Variants in UBE4A observed in about 807,000 individuals in gnomAD.
The protein encoded by UBE4A is ubiquitination factor E4A.
UBE4A carries 48 observed loss-of-function variants against 117.9 expected under a neutral mutation model. That is an observed-to-expected ratio of 0.41 (90% CI 0.32 to 0.52). The LOEUF (loss-of-function observed/expected upper bound fraction) is 0.52, where lower values mean the gene tolerates loss of function less well. Ranked by LOEUF, UBE4A falls within the 20% of genes least tolerant of loss-of-function variation. The pLI is 0.33. For missense variants in UBE4A, 1,067 were observed against 1,296.3 expected, an observed-to-expected ratio of 0.82 and a Z score of 2.72; for synonymous variants, 407 against 450.0, an observed-to-expected ratio of 0.90 and a Z score of 1.21.
rs59486972 is a variant in UBE4A, at chr11:118,376,760, G to C, written c.1571+66G>C. The C allele has an allele frequency of 2.7e-4, 417 of 1,570,770 alleles. 1 individual carries two copies. In the African/African-American group the frequency reaches 5.1e-3, roughly 19 times the overall value. On this transcript the variant is annotated intron_variant, in intron 10 of 19. Transcript: ENST00000252108. ...TGTTGATAACTAGAAGGTAGAAATT[G>C]AGTCTTTGGCCAGGCACAGTAGCTC...
chr11:118,387,510 A>G (rs1948770649), intron 16 of UBE4A, among the ~76,000 whole-genome samples: 1 of 152,198 alleles, frequency 6.6e-6, no homozygotes, highest in Non-Finnish European at 1.5e-5. Flanking sequence ...GGATGGATCT[A>G]GGAAGTCTCA....
chr11:118,395,331 GAA>G (rs34524305), intron 19 of UBE4A, among the ~76,000 whole-genome samples: 8 of 97,950 alleles, frequency 8.2e-5, no homozygotes, highest in African/African-American at 1.2e-4. Context: ...CTCCATCTCA[GAA>G]AAAAAAAAAA....
intron 8 of UBE4A, among the ~76,000 whole-genome samples, chr11:118,373,920 T>G (rs1300321820): frequency 1.3e-5 from 2 of 151,968 alleles, no homozygotes; most frequent in Admixed American, 1.3e-4. Context: ...GAAACCAGCC[T>G]AGGCAACACA....
intron 16 of UBE4A, among the ~76,000 whole-genome samples, chr11:118,388,183 T>C (rs1276151287): frequency 6.6e-6 from 1 of 152,162 alleles, no homozygotes; most frequent in Non-Finnish European, 1.5e-5. Flanking sequence ...AAAATTTGAC[T>C]ATATATTGAG....
At chr11:118,369,653 T>TC (rs2134089518) in intron 4 of UBE4A, 118 bp downstream of exon 4, 1 of 666,324 alleles carries the variant, frequency 1.5e-6, no homozygotes, top group East Asian at 2.9e-5. Flanking sequence ...TCTCTTTTTT[T>TC]TTTTTTTTTT....
chr11:118,362,186 G>A (rs532630836), intron 1 of UBE4A, among the ~76,000 whole-genome samples: 4 of 152,104 alleles, frequency 2.6e-5, no homozygotes, highest in Admixed American at 6.6e-5. Context: ...CAGTGGCAAC[G>A]ATCTTGTCTC....
chr11:118,392,708 C>T (rs200622956), intron 18 of UBE4A, 30 bp from the exon 19 acceptor site: 32 of 1,604,640 alleles, frequency 2.0e-5, no homozygotes, highest in Non-Finnish European at 2.7e-5. Context: ...ACTGTGAATT[C>T]ACTTTAACTA....
rs782218417 is a variant in UBE4A, at chr11:118,381,382, C to A, written c.1877-9C>A. ...TTTGGCTAATTCCAGTGAATATTTT[C>A]TTTTTCAGAATTTTTTGCAGATAAC... On this transcript the variant is annotated splice_polypyrimidine_tract_variant and intron_variant, in intron 11 of 19. Transcript: ENST00000252108. 8.1e-6 allele frequency: 13 copies of A among 1,613,306 alleles called. No individual in the cohort carries two copies. The highest frequency in any genetic ancestry group is 8.5e-7 in the Non-Finnish European group (1 of 1,179,682).
intron 6 of UBE4A, 38 bp from the exon 7 acceptor site, chr11:118,373,048 C>A (rs768858255): frequency 1.9e-6 from 3 of 1,570,846 alleles, no homozygotes; most frequent in East Asian, 2.2e-5. Flanking sequence ...TATAAAAATT[C>A]TTGTGCCCTC....
At chr11:118,375,509 G>A (rs376191211) in intron 9 of UBE4A, among the ~76,000 whole-genome samples, 42 of 152,094 alleles carry the variant, frequency 2.8e-4, no homozygotes, top group African/African-American at 8.7e-4. Flanking sequence ...ACAGGCACGC[G>A]CCACCACGCC....
chr11:118,399,130 C>G lies in UBE4A; in HGVS notation c.*2690C>G. 1 of 447,544 alleles carries G rather than the reference C, an allele frequency of 2.2e-6. No homozygotes were observed. 27.7% of individuals were successfully genotyped at this position (447,544 alleles called of 1,614,324 possible). A position where few individuals can be genotyped will look rare whatever the true frequency, so the allele number is the denominator to read the frequency against. On this transcript the variant is annotated 3_prime_UTR_variant, in exon 20 of 20. Transcript: ENST00000252108. Reference sequence around the variant, plus strand: ...CAACGCGACTGTATTTTGAAACATTCCAGGAAGGTTACTTCTTGTCAAACT... The same window carrying G: ...CAACGCGACTGTATTTTGAAACATTGCAGGAAGGTTACTTCTTGTCAAACT...
rs55892936 is a variant in UBE4A at position 118,380,134 on chromosome 11, CGTGTGTGTGTGT to C, written c.1876+415_1876+426del. Among the ~76,000 whole-genome samples the C allele has an allele frequency of 8.1e-3, 1,108 of 137,034 alleles. 7 individuals carry two copies. Among genetic ancestry groups the C allele is most frequent in the African/African-American group, 0.026 (940 of 36,456 alleles). 89.9% of individuals were successfully genotyped at this position (137,034 alleles called of 152,430 possible). A position where few individuals can be genotyped will look rare whatever the true frequency, so the allele number is the denominator to read the frequency against. On this transcript the variant is annotated intron_variant, in intron 11 of 19. Transcript: ENST00000252108. Reference sequence around the variant, plus strand: ...GGGAAAGAGTGTGTGTGTGTGTGTGCGTGTGTGTGTGTGTGTGTGTGTGTGTGTGTGTGTGTG... The same window carrying C: ...GGGAAAGAGTGTGTGTGTGTGTGTGCGTGTGTGTGTGTGTGTGTGTGTGTG...
intron 16 of UBE4A, among the ~76,000 whole-genome samples, chr11:118,389,197 A>C (rs1250174295): frequency 6.6e-6 from 1 of 152,164 alleles, no homozygotes; most frequent in Non-Finnish European, 1.5e-5. Flanking sequence ...TGTCCTATAA[A>C]TCTGGGCTGT....
At chr11:118,372,834 A>G (rs1948620000) in intron 6 of UBE4A, 168 bp downstream of exon 6, 2 of 1,064,446 alleles carry the variant, frequency 1.9e-6, no homozygotes, top group African/African-American at 3.2e-5. Context: ...AAAGCTGGGC[A>G]TGGTAGCACA....
rs781969824 is a variant in UBE4A, at chr11:118,381,413, T to G, written c.1899T>G (p.Gly633=). 6.2e-5 allele frequency: 100 copies of G among 1,613,972 alleles called. No individual in the cohort carries two copies. The highest frequency in any genetic ancestry group is 5.1e-6 in the Non-Finnish European group (6 of 1,179,994). The change falls in exon 12 of 20, where the codon GGT becomes GGG. Residue 633 remains glycine (G), a synonymous_variant. Transcript: ENST00000252108. ...YVPEFFADNL[G]DFLIFLRRFA... is the part of the protein sequence containing the mutation. ...CAGAATTTTTTGCAGATAACCTGGG[T>G]GATTTTCTCATTTTTCTCCGCCGCT...
chr11:118,383,838 C>A (rs1437092389), intron 13 of UBE4A, among the ~76,000 whole-genome samples: 1 of 152,050 alleles, frequency 6.6e-6, no homozygotes, highest in Non-Finnish European at 1.5e-5. Context: ...ATTCGCTCAC[C>A]TATCAACCTT....
At chr11:118,374,545 A>G (rs1948634837) in intron 8 of UBE4A, among the ~76,000 whole-genome samples, 1 of 152,230 alleles carries the variant, frequency 6.6e-6, no homozygotes, top group Admixed American at 6.5e-5. Flanking sequence ...GCATTAGTAT[A>G]TGTATTGTTT....
intron 6 of UBE4A, 29 bp from the exon 7 acceptor site, chr11:118,373,054 CCCT>C: frequency 6.3e-7 from 1 of 1,599,940 alleles, no homozygotes; most frequent in East Asian, 2.2e-5. Context: ...AATTCTTGTG[CCCT>C]CCTTTCTCTC....
chr11:118,362,631 T>C (rs933178587), intron 1 of UBE4A, among the ~76,000 whole-genome samples: 1 of 152,226 alleles, frequency 6.6e-6, no homozygotes, highest in African/African-American at 2.4e-5. Context: ...TATCTTTCCA[T>C]CTCTCAATTC....
Sources: gnomAD v4.1 joint callset for allele counts (sites outside exome capture counted in the v4.1 genomes callset) on GRCh38, gnomAD v4.1.1 for gene constraint, MANE v1.5 for transcripts, NCBI Gene and HGNC (gene_info 2026-07-23, HGNC 2026-07-21) for gene names.